Variants in RMND1 observed in about 807,000 individuals in gnomAD.
The protein encoded by RMND1 is required for meiotic nuclear division 1 homolog, also known as required for meiotic nuclear division protein 1 homolog.
RMND1 carries 41 observed loss-of-function variants against 54.0 expected under a neutral mutation model. The ratio of observed to expected loss-of-function variants is 0.76; its 90% CI spans 0.59 to 0.98. The LOEUF is 0.98. Among genes scored for constraint, RMND1 ranks in the 50% least tolerant of loss-of-function variants. RMND1 has a pLI of 0.00. For synonymous variants in RMND1, 183 were observed against 181.7 expected, an observed-to-expected ratio of 1.01 and a Z score of -0.06; for missense variants, 457 against 532.0, an observed-to-expected ratio of 0.86 and a Z score of 1.39.
intron 10 of RMND1, among the ~76,000 whole-genome samples, chr6:151,414,843 T>C (rs1262434647): frequency 1.3e-5 from 2 of 152,186 alleles, no homozygotes; most frequent in South Asian, 4.1e-4. Context: ...TTATGGCAGA[T>C]TTCCGTCAGA....
chr6:151,439,320 T>G (rs1187427193), intron 2 of RMND1, among the ~76,000 whole-genome samples: 4 of 152,248 alleles, frequency 2.6e-5, no homozygotes, highest in Admixed American at 6.5e-5. Flanking sequence ...AGGCTCTCCA[T>G]TAATTCACCT....
chr6:151,419,024 C>A (rs1780081479), intron 9 of RMND1, among the ~76,000 whole-genome samples: 1 of 152,058 alleles, frequency 6.6e-6, no homozygotes, highest in Admixed American at 6.5e-5. Context: ...CTGGCCTCGG[C>A]CTCCCAAAGT....
In RMND1 at chr6:151,423,601, G is replaced by C. The variant is rs1311687341; in HGVS notation, c.861C>G (p.Ile287Met). The stretch of plus-strand genomic sequence containing the variant: ...CTAAATCCAGCTCTGAATTTAACTT[G>C]ATTTCCCCCCTGTGAAGTTTTGACT... ...EGQSKLHRGE[I>M]KLNSELDLDD... is the part of the protein sequence containing the mutation. The change falls in exon 7 of 12, where the codon ATC (isoleucine) becomes ATG (methionine). Residue 287 changes from isoleucine (I) to methionine (M), a missense_variant. Physicochemically the swap from Ile to Met is conservative, Grantham distance 10. Coordinates refer to ENST00000444024, the MANE Select transcript of RMND1 (RefSeq NM_017909.4). 1.9e-6 allele frequency: 3 copies of C among 1,613,634 alleles called. No homozygotes were observed. Among genetic ancestry groups the C allele is most frequent in the Non-Finnish European group, 2.5e-6 (3 of 1,179,748 alleles).
At chr6:151,415,787 C>A (rs1012213802) in intron 10 of RMND1, among the ~76,000 whole-genome samples, 13 of 101,686 alleles carry the variant, frequency 1.3e-4, no homozygotes, top group Non-Finnish European at 2.3e-4. Flanking sequence ...AGCAAGACTC[C>A]GTCTCAAAAA....
chr6:151,405,279 AAG>A lies in RMND1; in HGVS notation c.1318-14_1318-13del. 1 of 1,611,554 alleles carries A rather than the reference AAG, an allele frequency of 6.2e-7. No homozygotes were observed. Among genetic ancestry groups the A allele is most frequent in the Non-Finnish European group, 8.5e-7 (1 of 1,177,838 alleles). ...AGCTCAAACATTACCTTAGAATAGA[AAG>A]TGAGAATTATTTCATGACGGGCAAA... On this transcript the variant is annotated splice_polypyrimidine_tract_variant and intron_variant, in intron 11 of 11. Transcript: ENST00000444024.
intron 4 of RMND1, among the ~76,000 whole-genome samples, chr6:151,432,597 G>A (rs1468572669): frequency 1.3e-5 from 2 of 152,080 alleles, no homozygotes; most frequent in Non-Finnish European, 2.9e-5. Context: ...GAGGATAAAT[G>A]AGATTATTTC....
In RMND1 at chr6:151,426,942, G is replaced by T. The variant is rs62444263; in HGVS notation, c.830+540C>A. Among the ~76,000 whole-genome samples, 912 of 147,712 alleles carry T rather than the reference G, an allele frequency of 6.2e-3. 7 individuals are homozygous for T. Among genetic ancestry groups the T allele is most frequent in the Non-Finnish European group, 0.01 (709 of 67,950 alleles). On this transcript the variant is annotated intron_variant, in intron 6 of 11. Transcript: ENST00000444024. ...CCGCCACCATAACCAGCTAATTTTTGTATTTTTTAGTAGAGATGGGGTTTC... is the reference window on the plus strand; with the variant it reads ...CCGCCACCATAACCAGCTAATTTTTTTATTTTTTAGTAGAGATGGGGTTTC...
chr6:151,405,035 AT>A lies in RMND1; in HGVS notation c.*199del, dbSNP rs1779560583. 1 of 503,470 alleles carries A rather than the reference AT, an allele frequency of 2.0e-6. No individual in the cohort carries two copies. Among genetic ancestry groups the A allele is most frequent in the African/African-American group, 2.0e-5 (1 of 49,432 alleles). The allele number at this position is 503,470 out of a possible 1,614,324, so 31.2% of individuals were successfully genotyped here. A position where few individuals can be genotyped will look rare whatever the true frequency, so the allele number is the denominator to read the frequency against. ...GGGCGTGTGCCAACACACCTGGCTA[AT>A]TTTGGTATTTTTAGTAGAGATGGGG... On this transcript the variant is annotated 3_prime_UTR_variant, in exon 12 of 12. Coordinates refer to ENST00000444024, the MANE Select transcript of RMND1 (RefSeq NM_017909.4).
At chr6:151,407,916 C>CA (rs1222766377) in intron 10 of RMND1, among the ~76,000 whole-genome samples, 4 of 151,664 alleles carry the variant, frequency 2.6e-5, no homozygotes, top group South Asian at 2.1e-4. Flanking sequence ...GTCACACACA[C>CA]AAAAAAAAGT....
intron 9 of RMND1, among the ~76,000 whole-genome samples, chr6:151,418,042 G>A (rs1027046974): frequency 3.3e-5 from 5 of 152,106 alleles, no homozygotes; most frequent in Admixed American, 2.0e-4. Flanking sequence ...CTGACCTCAC[G>A]TGATCTGCCT....
Position 151,405,251 on chromosome 6 carries a change from C to G in RMND1, c.1334G>C (p.Gly445Ala), listed in dbSNP as rs1307244268. The change falls in exon 12 of 12, where the codon GGA (glycine) becomes GCA (alanine). Residue 445 changes from glycine to alanine, a missense_variant. Physicochemically the swap from Gly to Ala is moderately conservative, Grantham distance 60. Transcript: ENST00000444024. ...LITIEVMFEL[G>A]RVFF ...ATCACTTGATCAGAAAAATACTCGT[C>G]CCAGCTCAAACATTACCTTAGAATA... is the stretch of plus-strand genomic sequence containing the variant. The G allele has an allele frequency of 1.2e-6, 2 of 1,612,864 alleles. No homozygotes were observed. Among genetic ancestry groups the G allele is most frequent in the Non-Finnish European group, 1.7e-6 (2 of 1,179,092 alleles).
At chr6:151,415,385 G>A (rs1487690545) in intron 10 of RMND1, among the ~76,000 whole-genome samples, 3 of 151,448 alleles carry the variant, frequency 2.0e-5, no homozygotes, top group South Asian at 2.1e-4. Flanking sequence ...AGTTATATAC[G>A]TAAGATGTAA....
chr6:151,417,595 G>A (rs554555477), intron 9 of RMND1, among the ~76,000 whole-genome samples, 196 bp from the exon 10 acceptor site: 1 of 151,860 alleles, frequency 6.6e-6, no homozygotes, highest in East Asian at 1.9e-4. Flanking sequence ...GGCTCAAGCT[G>A]TTCTCCTGCC....
At chr6:151,439,906 C>T (rs931593321) in intron 2 of RMND1, among the ~76,000 whole-genome samples, 2 of 152,072 alleles carry the variant, frequency 1.3e-5, no homozygotes, top group African/African-American at 2.4e-5. Flanking sequence ...CTGATCCTCC[C>T]GCCTCGGCCT....
At chr6:151,420,161 C>G (rs1780116395) in intron 9 of RMND1, among the ~76,000 whole-genome samples, 1 of 152,134 alleles carries the variant, frequency 6.6e-6, no homozygotes, top group African/African-American at 2.4e-5. Flanking sequence ...TATTATAATT[C>G]ACTACATCAA....
chr6:151,426,422 T>C (rs1051323764), intron 6 of RMND1, among the ~76,000 whole-genome samples: 7 of 152,178 alleles, frequency 4.6e-5, no homozygotes, highest in African/African-American at 1.7e-4. Context: ...TACCCATTTA[T>C]CTTAGTGAAA....
chr6:151,442,116 A>G (rs1780793646), intron 2 of RMND1, among the ~76,000 whole-genome samples: 1 of 152,236 alleles, frequency 6.6e-6, no homozygotes, highest in South Asian at 2.1e-4. Context: ...TAGATAGATC[A>G]TACTAAGGAA....
rs751043998 is a variant in RMND1, at chr6:151,427,518, T to C, written c.794A>G (p.His265Arg). The change falls in exon 6 of 12, where the codon CAC (histidine) becomes CGC (arginine). Residue 265 changes from histidine (H) to arginine (R), a missense_variant. By Grantham distance (29) the His-to-Arg change is conservative. Transcript: ENST00000444024. ...GTAGTTAAGTTCTTCATTTTCCCAG[T>C]GTACCAGTGCGATTTCATAGGGCTG... Reference protein sequence around the residue: ...EIQPYEIALVHWENEELNYIK... With the variant: ...EIQPYEIALVRWENEELNYIK... 262 of 1,612,126 alleles carry C rather than the reference T, an allele frequency of 1.6e-4. 3 individuals carry two copies. The Admixed American group carries it at 4.4e-3, about 27-fold the overall frequency.
At position 151,433,292 on chromosome 6, in the gene RMND1, C is replaced by T. The variant is rs41290239; in HGVS notation, c.614-62G>A. 4,370 of 1,003,584 alleles carry T rather than the reference C, an allele frequency of 4.4e-3. 101 individuals carry two copies. The African/African-American group carries it at 0.056, about 13-fold the overall frequency. 62.2% of individuals were successfully genotyped at this position (1,003,584 alleles called of 1,614,324 possible). ...AAGGTAACACAAGTTGTAAGAGTCA[C>T]CTATAAACACTGTAATAAAGTACTT... On this transcript the variant is annotated intron_variant, in intron 3 of 11. Transcript: ENST00000444024.
Sources: gnomAD v4.1 joint callset for allele counts (sites outside exome capture counted in the v4.1 genomes callset) on GRCh38, gnomAD v4.1.1 for gene constraint, MANE v1.5 for transcripts, NCBI Gene and HGNC (gene_info 2026-07-23, HGNC 2026-07-21) for gene names.